Variants in PLCB1 observed in about 807,000 individuals in gnomAD.
PLCB1 encodes the protein 1-phosphatidylinositol 4,5-bisphosphate phosphodiesterase beta-1.
PLCB1 carries 46 observed loss-of-function variants against 161.8 expected under a neutral mutation model. The observed-to-expected ratio is 0.28, with a 90% CI of 0.22 to 0.36. PLCB1 has a LOEUF of 0.36. Ranked by LOEUF, PLCB1 falls within the 10% of genes least tolerant of loss-of-function variation. The pLI is 1.00. For synonymous variants in PLCB1, 517 were observed against 503.7 expected (o/e 1.03, Z -0.35); for missense variants, 1,016 against 1,472.5 (o/e 0.69, Z 5.07).
At chr20:8,193,713 T>C (rs1413050149) in intron 2 of PLCB1, among the ~76,000 whole-genome samples, 1 of 152,028 alleles carries the variant, frequency 6.6e-6, no homozygotes, top group African/African-American at 2.4e-5. Flanking sequence ...CTTATAAGAA[T>C]GGCAAGGACT....
At chr20:8,218,603 G>A (rs1010868838) in intron 2 of PLCB1, among the ~76,000 whole-genome samples, 1 of 151,780 alleles carries the variant, frequency 6.6e-6, no homozygotes. Context: ...TTTATAAAAT[G>A]TCTTGGCACA....
intron 2 of PLCB1, among the ~76,000 whole-genome samples, chr20:8,260,286 A>G (rs1290147138): frequency 6.7e-6 from 1 of 149,788 alleles, no homozygotes; most frequent in Non-Finnish European, 1.5e-5. Context: ...GTCTTTCCAT[A>G]GTGCCCAGAC....
At chr20:8,205,579 A>G (rs1219723342) in intron 2 of PLCB1, among the ~76,000 whole-genome samples, 1 of 152,204 alleles carries the variant, frequency 6.6e-6, no homozygotes, top group African/African-American at 2.4e-5. Context: ...AACAATTCCA[A>G]TGTATGGCTT....
intron 3 of PLCB1, among the ~76,000 whole-genome samples, chr20:8,546,676 T>C (rs1334367391): frequency 6.6e-6 from 1 of 152,104 alleles, no homozygotes; most frequent in African/African-American, 2.4e-5. Context: ...CTCAGATCTG[T>C]GGCTGAAATG....
intron 31 of PLCB1, among the ~76,000 whole-genome samples, chr20:8,831,963 T>A (rs569408904): frequency 1.0e-5 from 1 of 99,020 alleles, no homozygotes; most frequent in Non-Finnish European, 2.5e-5. Flanking sequence ...TCTTTCTTTC[T>A]TTCTTTCTTT....
At chr20:8,330,761 G>A (rs1172666340) in intron 2 of PLCB1, among the ~76,000 whole-genome samples, 1 of 152,152 alleles carries the variant, frequency 6.6e-6, no homozygotes, top group Non-Finnish European at 1.5e-5. Flanking sequence ...ACATTTTCAT[G>A]CCATTTGTTG....
At position 8,654,882 on chromosome 20, in the gene PLCB1, CCCTAT is replaced by C. The variant is rs573336453; in HGVS notation, c.595-2301_595-2297del. On this transcript the variant is annotated intron_variant, in intron 7 of 31. Coordinates refer to ENST00000338037, the MANE Select transcript of PLCB1 (RefSeq NM_015192.4). The stretch of plus-strand genomic sequence containing the variant: ...TCCATAGCTTTTACCTAAACATCTC[CCCTAT>C]AGCCTTTCATCTCAGCATTTAATGA... Among the ~76,000 whole-genome samples, 21 of 152,134 alleles carry C rather than the reference CCCTAT, an allele frequency of 1.4e-4. 1 individual carries two copies. The highest frequency in any genetic ancestry group is 1.2e-3 in the South Asian group (6 of 4,822).
intron 3 of PLCB1, among the ~76,000 whole-genome samples, chr20:8,434,976 A>T (rs771940): frequency 0.6 from 91,792 of 152,074 alleles, 27,985 homozygotes; most frequent in East Asian, 0.7. Flanking sequence ...ACATACAAAC[A>T]TTCTAACAAA....
At chr20:8,350,387 C>T (rs1986144762) in intron 2 of PLCB1, among the ~76,000 whole-genome samples, 1 of 152,172 alleles carries the variant, frequency 6.6e-6, no homozygotes, top group Admixed American at 6.5e-5. Flanking sequence ...ATAAAAGCTC[C>T]ATCTCCATCC....
intron 2 of PLCB1, among the ~76,000 whole-genome samples, chr20:8,183,292 G>A (rs2051866904): frequency 6.6e-6 from 1 of 152,024 alleles, no homozygotes; most frequent in African/African-American, 2.4e-5. Context: ...TATGTAAAAT[G>A]GAAAAAAACT....
At chr20:8,621,337 G>T (rs1380756087) in intron 3 of PLCB1, among the ~76,000 whole-genome samples, 1 of 152,088 alleles carries the variant, frequency 6.6e-6, no homozygotes, top group Non-Finnish European at 1.5e-5. Flanking sequence ...AGACTGGGGG[G>T]ATAGTTTAAA....
rs145758612 is a variant in PLCB1, at chr20:8,803,824, G to A, written c.3423+13563G>A. ...TTGTTTGTTTTTGAGACATTGTTTC[G>A]CTCTTGTTGCCCAGGCTGGAGTGGA... On this transcript the variant is annotated intron_variant, in intron 31 of 31. Transcript: ENST00000338037. 5.1e-3 allele frequency among the ~76,000 whole-genome samples: 771 copies of A among 151,528 alleles called. 6 individuals carry two copies. Among genetic ancestry groups the A allele is most frequent in the African/African-American group, 0.018 (733 of 41,224 alleles).
intron 31 of PLCB1, among the ~76,000 whole-genome samples, chr20:8,837,099 C>T (rs775185105): frequency 2.0e-5 from 3 of 151,990 alleles, no homozygotes; most frequent in Non-Finnish European, 4.4e-5. Flanking sequence ...GATGAGGGTT[C>T]TTTGCCAGCA....
intron 3 of PLCB1, among the ~76,000 whole-genome samples, chr20:8,527,122 A>G (rs1219994578): frequency 6.6e-6 from 1 of 152,136 alleles, no homozygotes; most frequent in African/African-American, 2.4e-5. Flanking sequence ...GCCCTGTAAG[A>G]TTTAGTAAGG....
chr20:8,257,642 C>A (rs6055697), intron 2 of PLCB1, among the ~76,000 whole-genome samples: 52,179 of 151,942 alleles, frequency 0.34, 9,000 homozygotes, highest in East Asian at 0.44. Context: ...GTGAGAATTC[C>A]GAAAGTCAGT....
At chr20:8,770,098 G>A (rs1170811696) in intron 26 of PLCB1, among the ~76,000 whole-genome samples, 2 of 151,990 alleles carry the variant, frequency 1.3e-5, no homozygotes, top group Admixed American at 6.6e-5. Context: ...GACTATAGGC[G>A]CCCGCCACCA....
At chr20:8,741,305 T>C (rs943395378) in intron 22 of PLCB1, among the ~76,000 whole-genome samples, 159 bp from the exon 23 acceptor site, 1 of 152,106 alleles carries the variant, frequency 6.6e-6, no homozygotes, top group Non-Finnish European at 1.5e-5. Flanking sequence ...GAATGGAAGA[T>C]GGATAATGAC....
chr20:8,387,100 G>A (rs1987446372), intron 3 of PLCB1, among the ~76,000 whole-genome samples: 1 of 152,172 alleles, frequency 6.6e-6, no homozygotes, highest in South Asian at 2.1e-4. Context: ...TATCATTTGT[G>A]TGTTCACTGG....
chr20:8,518,718 C>T lies in PLCB1; in HGVS notation c.247-109576C>T, dbSNP rs150682063. Among the ~76,000 whole-genome samples, 8 of 152,108 alleles carry T rather than the reference C, an allele frequency of 5.3e-5. No homozygotes were observed. In the East Asian group the frequency reaches 1.2e-3, roughly 22 times the overall value. On this transcript the variant is annotated intron_variant, in intron 3 of 31. Transcript: ENST00000338037. The stretch of plus-strand genomic sequence containing the variant: ...GAGGGCTGATGGTTTCAGGATGATT[C>T]GAGTGCATTAAATTTATTGTGCACT...
Sources: allele counts gnomAD v4.1 joint callset (sites outside exome capture counted in the v4.1 genomes callset), GRCh38; gene constraint gnomAD v4.1.1; transcripts MANE v1.5; gene names NCBI Gene and HGNC (gene_info 2026-07-23, HGNC 2026-07-21).